The following WWP1 variants were observed in gnomAD, a reference collection of about 807,000 sequenced individuals.
The protein encoded by WWP1 is NEDD4-like E3 ubiquitin-protein ligase WWP1.
In WWP1, 49 loss-of-function variants were observed where a neutral mutation model predicts 130.6. That is an observed-to-expected ratio of 0.38 (90% CI 0.30 to 0.48). The LOEUF (loss-of-function observed/expected upper bound fraction) is 0.48. WWP1 is among the 20% of genes least tolerant of loss of function. The probability of loss-of-function intolerance (pLI) is 0.99; values close to 1 mark genes in which losing one functional copy is unlikely to be tolerated. For synonymous variants in WWP1, 332 were observed against 367.8 expected (o/e 0.90, Z 1.11); for missense variants, 809 against 1,100.6 (o/e 0.74, Z 3.75).
chr8:86,424,380 G>A (rs199916257), intron 9 of WWP1, among the ~76,000 whole-genome samples: 14 of 151,078 alleles, frequency 9.3e-5, no homozygotes, highest in African/African-American at 2.4e-4. Context: ...AGGCAGAGAC[G>A]CTCCTCACTT....
At chr8:86,358,680 C>T (rs898448439) in intron 1 of WWP1, among the ~76,000 whole-genome samples, 2 of 151,628 alleles carry the variant, frequency 1.3e-5, no homozygotes, top group African/African-American at 4.8e-5. Context: ...ATATATAATT[C>T]TATTTTTTTG....
intron 5 of WWP1, among the ~76,000 whole-genome samples, chr8:86,392,355 G>T (rs1485057977): frequency 6.6e-6 from 1 of 152,204 alleles, no homozygotes; most frequent in Non-Finnish European, 1.5e-5. Flanking sequence ...TTCACTTTGT[G>T]TTTCAATTTT....
chr8:86,389,063 T>G (rs1050599005), intron 5 of WWP1, among the ~76,000 whole-genome samples: 1 of 152,190 alleles, frequency 6.6e-6, no homozygotes, highest in African/African-American at 2.4e-5. Flanking sequence ...ATTGTATTTC[T>G]TACTTTCTTA....
At chr8:86,382,862 C>G (rs1013427811) in intron 5 of WWP1, among the ~76,000 whole-genome samples, 14 of 152,156 alleles carry the variant, frequency 9.2e-5, no homozygotes, top group Admixed American at 7.9e-4. Context: ...TTTTGCTCTT[C>G]TTATTTCTGT....
intron 24 of WWP1, 144 bp from the exon 25 acceptor site, chr8:86,466,649 AG>A (rs1812174340): frequency 7.2e-6 from 3 of 419,090 alleles, no homozygotes; most frequent in Non-Finnish European, 1.2e-5. Flanking sequence ...TCTTAAATTT[AG>A]ATTACTCTAA....
intron 9 of WWP1, among the ~76,000 whole-genome samples, 184 bp from the exon 10 acceptor site, chr8:86,425,038 AC>A (rs1409012348): frequency 6.6e-6 from 1 of 152,172 alleles, no homozygotes; most frequent in African/African-American, 2.4e-5. Context: ...TTAAAAAAGT[AC>A]TAATAATTGA....
intron 18 of WWP1, among the ~76,000 whole-genome samples, chr8:86,442,989 T>TA (rs1810673386): frequency 6.6e-6 from 1 of 152,202 alleles, no homozygotes; most frequent in African/African-American, 2.4e-5. Context: ...TACAGCCACT[T>TA]AGTCTTTAAA....
At chr8:86,369,906 TA>T (rs549740814) in intron 2 of WWP1, among the ~76,000 whole-genome samples, 24 of 148,636 alleles carry the variant, frequency 1.6e-4, no homozygotes, top group Admixed American at 3.4e-4. Context: ...TTCTTTAAAT[TA>T]AAAAAAAAAC....
intron 16 of WWP1, among the ~76,000 whole-genome samples, chr8:86,436,527 C>G (rs1378860689): frequency 6.6e-6 from 1 of 152,158 alleles, no homozygotes; most frequent in Non-Finnish European, 1.5e-5. Flanking sequence ...GTCTTCCTTA[C>G]TAGAATGTGA....
intron 8 of WWP1, among the ~76,000 whole-genome samples, chr8:86,408,919 A>G (rs879724740): frequency 6.6e-6 from 1 of 152,112 alleles, no homozygotes; most frequent in Admixed American, 6.6e-5. Flanking sequence ...CAAAAAAAAA[A>G]AAATTTTTTT....
chr8:86,389,306 C>G (rs1422602115), intron 5 of WWP1, among the ~76,000 whole-genome samples: 1 of 152,070 alleles, frequency 6.6e-6, no homozygotes, highest in African/African-American at 2.4e-5. Context: ...ACCCTGCGGC[C>G]TTCCGCAGTG....
intron 5 of WWP1, among the ~76,000 whole-genome samples, chr8:86,384,244 C>T (rs772584047): frequency 1.3e-5 from 2 of 152,056 alleles, no homozygotes; most frequent in Non-Finnish European, 1.5e-5. Flanking sequence ...CTTCAACATA[C>T]GAATTTGGTG....
chr8:86,394,131 T>C (rs1807514350), intron 5 of WWP1, among the ~76,000 whole-genome samples: 1 of 152,274 alleles, frequency 6.6e-6, no homozygotes, highest in East Asian at 1.9e-4. Flanking sequence ...CAGCAATAGA[T>C]AATACATTGT....
At chr8:86,449,411 A>G (rs1811054570) in intron 20 of WWP1, among the ~76,000 whole-genome samples, 2 of 152,250 alleles carry the variant, frequency 1.3e-5, no homozygotes, top group South Asian at 2.1e-4. Flanking sequence ...AAAGGTAGCT[A>G]TAGACAGTGT....
At chr8:86,397,273 T>G (rs1384761883) in intron 5 of WWP1, among the ~76,000 whole-genome samples, 2 of 152,190 alleles carry the variant, frequency 1.3e-5, no homozygotes, top group Admixed American at 1.3e-4. Context: ...GGCCTCAGTT[T>G]GAATAATAAA....
intron 1 of WWP1, among the ~76,000 whole-genome samples, chr8:86,343,520 A>G (rs1359634625): frequency 7.6e-6 from 1 of 132,348 alleles, no homozygotes; most frequent in Non-Finnish European, 1.5e-5. Context: ...CTTGTCTGTG[A>G]CTTACAGACT....
intron 1 of WWP1, among the ~76,000 whole-genome samples, chr8:86,352,154 C>G (rs902356557): frequency 1.3e-5 from 2 of 151,734 alleles, no homozygotes; most frequent in African/African-American, 2.4e-5. Context: ...AAACGATCCT[C>G]CCACCTTAGC....
At chr8:86,374,771 G>A (rs561281157) in intron 3 of WWP1, among the ~76,000 whole-genome samples, 10 of 151,590 alleles carry the variant, frequency 6.6e-5, no homozygotes, top group South Asian at 4.2e-4. Context: ...GTACGGTGGC[G>A]CAAACATACC....
At chr8:86,349,442 T>A (rs1042272997) in intron 1 of WWP1, among the ~76,000 whole-genome samples, 11 of 152,170 alleles carry the variant, frequency 7.2e-5, no homozygotes, top group African/African-American at 2.7e-4. Flanking sequence ...GTGAATCCAT[T>A]TGGGGCCACC....
Sources: allele counts gnomAD v4.1 joint callset (sites outside exome capture counted in the v4.1 genomes callset), GRCh38; gene constraint gnomAD v4.1.1; transcripts MANE v1.5; gene names NCBI Gene and HGNC (gene_info 2026-07-23, HGNC 2026-07-21).